EPG5: variants seen among roughly 807,000 people sequenced by gnomAD.
EPG5 encodes ectopic P-granules 5 autophagy tethering factor.
Under a neutral mutation model 302.7 loss-of-function variants are expected in EPG5, and 159 were observed. The ratio of observed to expected loss-of-function variants is 0.53; its 90% confidence interval spans 0.46 to 0.60. EPG5 has a LOEUF of 0.60. Ranked by LOEUF, EPG5 falls within the 20% of genes least tolerant of loss-of-function variation. The pLI is 0.00. For synonymous variants in EPG5, 1,158 were observed against 1,136.8 expected (o/e 1.02, Z -0.37); for missense variants, 2,896 against 3,092.4 (o/e 0.94, Z 1.51).
At chr18:45,843,243 C>A (rs573243030), downstream of EPG5, 43 of 152,476 alleles carry the variant, frequency 2.8e-4, no homozygotes, top group African/African-American at 1.0e-3. Flanking sequence ...GCAACTTCAC[C>A]CCCTTTGCCC....
intron 1 of EPG5, among the ~76,000 whole-genome samples, chr18:45,966,244 C>G (rs1376978506): frequency 1.3e-5 from 2 of 150,630 alleles, no homozygotes; most frequent in Non-Finnish European, 3.0e-5. Context: ...TGGTGGCAGG[C>G]GCCTGTAGTC....
At chr18:45,833,766 G>A in the EPG5 span, among the ~76,000 whole-genome samples, 2 of 152,258 alleles carry the variant, frequency 1.3e-5, no homozygotes, top group South Asian at 4.1e-4. Flanking sequence ...CTATAAAAGG[G>A]CAAAGACCAA....
rs141432738 is a variant in EPG5 at position 45,875,992 on chromosome 18, G to C, written c.6049+244C>G. 0.012 allele frequency among the ~76,000 whole-genome samples: 1,847 copies of C among 151,944 alleles called. 31 individuals carry two copies. Among genetic ancestry groups the C allele is most frequent in the African/African-American group, 0.036 (1,504 of 41,384 alleles). ...GAATTGCTTGAATCTGGGAGGCAGAGGCTGCAGTGAGCCCAGATCACACCA... is the reference window on the plus strand; with the variant it reads ...GAATTGCTTGAATCTGGGAGGCAGACGCTGCAGTGAGCCCAGATCACACCA... On this transcript the variant is annotated intron_variant, in intron 35 of 43. Coordinates refer to ENST00000282041, the MANE Select transcript of EPG5 (RefSeq NM_020964.3).
rs564285835 is a variant in EPG5, at chr18:45,884,845, T to C, written c.5110-34A>G. The C allele has an allele frequency of 8.3e-6, 12 of 1,447,358 alleles. No individual in the cohort carries two copies. In the East Asian group the frequency reaches 3.2e-4, roughly 39 times the overall value. 89.7% of individuals were successfully genotyped at this position (1,447,358 alleles called of 1,614,324 possible). On this transcript the variant is annotated intron_variant, in intron 29 of 43. Coordinates refer to ENST00000282041, the MANE Select transcript of EPG5 (RefSeq NM_020964.3). The stretch of plus-strand genomic sequence containing the variant: ...AATAAAAAGGAAAAATGTCACCAGA[T>C]TCTTCCCTCACAACCTTTATTTAAG...
At chr18:45,857,815 C>T in intron 42 of EPG5, 38 bp downstream of exon 42, 1 of 1,569,514 alleles carries the variant, frequency 6.4e-7, no homozygotes, top group Non-Finnish European at 8.8e-7. Flanking sequence ...TGTCTGAGGC[C>T]TATTTAGAAC....
rs772002528 is a variant in EPG5 at position 45,939,761 on chromosome 18, C to T, written c.1944-6G>A. 15 of 1,612,558 alleles carry T rather than the reference C, an allele frequency of 9.3e-6. No individual in the cohort carries two copies. In the South Asian group the frequency reaches 1.5e-4, roughly 17 times the overall value. On this transcript the variant is annotated splice_polypyrimidine_tract_variant and splice_region_variant and intron_variant, in intron 9 of 43. Transcript: ENST00000282041. ...TTACATAACCAAGAGTCATCCTGAG[C>T]ATGAGGAAAGATAATACAGTACTTT...
chr18:45,909,138 T>C lies in EPG5; in HGVS notation c.4206-1057A>G, dbSNP rs547296841. On this transcript the variant is annotated intron_variant, in intron 23 of 43. Coordinates refer to ENST00000282041, the MANE Select transcript of EPG5 (RefSeq NM_020964.3). Reference sequence around the variant, plus strand: ...TCAATAAAGTGGAAAATTACCTCCTTTACCTCTGCAACAGCCAGTCCAGGA... The same window carrying C: ...TCAATAAAGTGGAAAATTACCTCCTCTACCTCTGCAACAGCCAGTCCAGGA... Among the ~76,000 whole-genome samples, 248 of 152,232 alleles carry C rather than the reference T, an allele frequency of 1.6e-3. 1 individual carries two copies. The highest frequency in any genetic ancestry group is 5.4e-3 in the African/African-American group (224 of 41,538).
At chr18:45,904,825 T>C (rs2049708385) in intron 24 of EPG5, among the ~76,000 whole-genome samples, 1 of 152,224 alleles carries the variant, frequency 6.6e-6, no homozygotes, top group African/African-American at 2.4e-5. Flanking sequence ...TTCTAATATG[T>C]TTAGGTATGC....
chr18:45,861,403 A>G (rs1046869330), intron 39 of EPG5, among the ~76,000 whole-genome samples: 5 of 152,230 alleles, frequency 3.3e-5, no homozygotes, highest in African/African-American at 4.8e-5. Context: ...GATTACTACA[A>G]CAGACCCTAG....
At chr18:45,855,544 A>T (rs370353421) in intron 43 of EPG5, 29 bp downstream of exon 43, 5 of 1,557,856 alleles carry the variant, frequency 3.2e-6, no homozygotes, top group Middle Eastern at 1.7e-4. Context: ...GTGCAGGCAA[A>T]CTTCTAACCC....
In EPG5 at chr18:45,854,282, G is replaced by A. The variant is rs192862753; in HGVS notation, c.7557+1291C>T. Among the ~76,000 whole-genome samples the A allele has an allele frequency of 1.8e-3, 267 of 152,320 alleles. 1 individual carries two copies. Among genetic ancestry groups the A allele is most frequent in the African/African-American group, 6.0e-3 (248 of 41,564 alleles). ...AAGCCCAGATCCCTGTGGAGAACCTGCTAATCTGCTAATTATTCTGTCTGA... is the reference window on the plus strand; with the variant it reads ...AAGCCCAGATCCCTGTGGAGAACCTACTAATCTGCTAATTATTCTGTCTGA... On this transcript the variant is annotated intron_variant, in intron 43 of 43. Coordinates refer to ENST00000282041, the MANE Select transcript of EPG5 (RefSeq NM_020964.3).
intron 22 of EPG5, among the ~76,000 whole-genome samples, chr18:45,911,700 G>A (rs1471084955): frequency 6.6e-6 from 1 of 152,146 alleles, no homozygotes; most frequent in African/African-American, 2.4e-5. Flanking sequence ...GCCTCCCAAA[G>A]TGCTGGGATT....
intron 34 of EPG5, 107 bp downstream of exon 34, chr18:45,878,269 T>G (rs2049015391): frequency 4.1e-6 from 3 of 732,978 alleles, no homozygotes; most frequent in Non-Finnish European, 7.0e-6. Flanking sequence ...AAATATGGCC[T>G]TACACTAAAA....
At chr18:45,903,754 T>C (rs951137144) in intron 25 of EPG5, among the ~76,000 whole-genome samples, 1 of 152,176 alleles carries the variant, frequency 6.6e-6, no homozygotes, top group Non-Finnish European at 1.5e-5. Context: ...GAAAAGAGTT[T>C]ATAAAAGAAA....
intron 39 of EPG5, among the ~76,000 whole-genome samples, chr18:45,862,697 G>C (rs1004235992): frequency 6.6e-5 from 10 of 152,240 alleles, no homozygotes; most frequent in African/African-American, 2.4e-4. Context: ...GCTTCCTTAG[G>C]CCTCTCCAGA....
rs770355758 is a variant in EPG5, at chr18:45,923,255, G to C, written c.2838+13C>G. On this transcript the variant is annotated intron_variant, in intron 15 of 43. Coordinates refer to ENST00000282041, the MANE Select transcript of EPG5 (RefSeq NM_020964.3). ...AAAGATTCATGTTTCCAAATCAGAA[G>C]AGAAGGAAATACCTGCTTCATACTT... 33 of 1,611,348 alleles carry C rather than the reference G, an allele frequency of 2.0e-5. No individual in the cohort carries two copies. The highest frequency in any genetic ancestry group is 2.7e-5 in the Non-Finnish European group (32 of 1,179,236).
the EPG5 span, among the ~76,000 whole-genome samples, chr18:45,835,566 A>G: frequency 3.5e-3 from 536 of 152,312 alleles, 2 homozygotes; most frequent in Non-Finnish European, 6.1e-3. Context: ...CATTTCGTAG[A>G]GGTCAGTCAC....
intron 16 of EPG5, among the ~76,000 whole-genome samples, chr18:45,918,326 G>A (rs552377991): frequency 2.6e-5 from 4 of 152,258 alleles, no homozygotes; most frequent in African/African-American, 7.2e-5. Context: ...ATACTTAAAA[G>A]CTGAGCATCC....
At chr18:45,884,212 C>CT (rs1285611818) in intron 30 of EPG5, among the ~76,000 whole-genome samples, 3 of 152,152 alleles carry the variant, frequency 2.0e-5, no homozygotes, top group Non-Finnish European at 4.4e-5. Context: ...TGTCAGATCA[C>CT]CCATGGCATT....
Sources: allele counts gnomAD v4.1 joint callset (sites outside exome capture counted in the v4.1 genomes callset), GRCh38; gene constraint gnomAD v4.1.1; transcripts MANE v1.5; gene names NCBI Gene and HGNC (gene_info 2026-07-23, HGNC 2026-07-21).